Variants in ARB2A observed in about 807,000 individuals in gnomAD.
ARB2A encodes ARB2 cotranscriptional regulator A.
chr5:93,973,268 CA>C, the ARB2A span, among the ~76,000 whole-genome samples: 7 of 151,748 alleles, frequency 4.6e-5, no homozygotes, highest in Non-Finnish European at 1.0e-4. Context: ...CCAGGAATTT[CA>C]AACTACAATT....
the ARB2A span, among the ~76,000 whole-genome samples, chr5:93,996,764 T>A: frequency 6.6e-6 from 1 of 152,070 alleles, no homozygotes; most frequent in Non-Finnish European, 1.5e-5. Flanking sequence ...TGTTGTTATA[T>A]TCTAGGAAAT....
chr5:93,943,040 T>A, the ARB2A span, among the ~76,000 whole-genome samples: 37 of 152,240 alleles, frequency 2.4e-4, no homozygotes, highest in African/African-American at 8.9e-4. Flanking sequence ...CTGGTGGATG[T>A]TTAGTTGGTT....
the ARB2A span, among the ~76,000 whole-genome samples, chr5:93,697,933 A>G: frequency 1.3e-5 from 2 of 152,148 alleles, no homozygotes; most frequent in Admixed American, 1.3e-4. Flanking sequence ...CCCTTTTATA[A>G]AATGCCTCTA....
At chr5:94,040,992 T>C in the ARB2A span, among the ~76,000 whole-genome samples, 1 of 152,070 alleles carries the variant, frequency 6.6e-6, no homozygotes, top group Non-Finnish European at 1.5e-5. Flanking sequence ...GCCAGCCAGG[T>C]TACTAGGGCC....
chr5:93,808,175 G>A, the ARB2A span, among the ~76,000 whole-genome samples: 9 of 151,866 alleles, frequency 5.9e-5, no homozygotes, highest in Non-Finnish European at 7.4e-5. Context: ...CATACTGCCC[G>A]CGAATTCTTA....
At chr5:94,018,481 A>G in the ARB2A span, among the ~76,000 whole-genome samples, 8 of 151,880 alleles carry the variant, frequency 5.3e-5, no homozygotes, top group Non-Finnish European at 1.0e-4. Context: ...ATACTGTGTT[A>G]TTATACTACC....
chr5:93,979,787 T>C, the ARB2A span, among the ~76,000 whole-genome samples: 3 of 152,084 alleles, frequency 2.0e-5, no homozygotes, highest in Non-Finnish European at 4.4e-5. Flanking sequence ...TCCTATATTT[T>C]AATAGGTTAA....
the ARB2A span, among the ~76,000 whole-genome samples, chr5:93,939,941 T>G: frequency 6.6e-6 from 1 of 151,926 alleles, no homozygotes; most frequent in Admixed American, 6.6e-5. Flanking sequence ...GTGAATGGCC[T>G]TGAAACTGTA....
the ARB2A span, among the ~76,000 whole-genome samples, chr5:93,965,131 G>A: frequency 6.6e-6 from 1 of 152,004 alleles, no homozygotes; most frequent in African/African-American, 2.4e-5. Flanking sequence ...ACCTTGAAAT[G>A]GCGAGATTTT....
chr5:93,688,768 C>T, the ARB2A span, among the ~76,000 whole-genome samples: 2 of 152,078 alleles, frequency 1.3e-5, no homozygotes, highest in Non-Finnish European at 2.9e-5. Flanking sequence ...TTGCCCAAAC[C>T]AAAAGCCTGG....
the ARB2A span, among the ~76,000 whole-genome samples, chr5:93,935,026 G>A: frequency 6.6e-5 from 10 of 152,228 alleles, no homozygotes; most frequent in African/African-American, 2.4e-4. Context: ...AGCTAAGCTA[G>A]GAGGACGCAA....
At chr5:93,773,377 A>C in the ARB2A span, among the ~76,000 whole-genome samples, 4 of 152,244 alleles carry the variant, frequency 2.6e-5, no homozygotes, top group African/African-American at 9.6e-5. Context: ...TTGCTACTAC[A>C]CAATGGGTAA....
the ARB2A span, among the ~76,000 whole-genome samples, chr5:94,069,047 T>TAGATAGATAGAC: frequency 5.3e-4 from 78 of 147,276 alleles, no homozygotes; most frequent in African/African-American, 1.8e-3. Flanking sequence ...AAAAGATAGA[T>TAGATAGATAGAC]AGATAGATAG....
the ARB2A span, among the ~76,000 whole-genome samples, chr5:94,073,519 C>T: frequency 3.3e-5 from 5 of 152,170 alleles, no homozygotes; most frequent in East Asian, 7.7e-4. Context: ...CACTGTACTA[C>T]CTCTAAAATC....
the ARB2A span, among the ~76,000 whole-genome samples, chr5:93,715,566 A>G: frequency 5.9e-5 from 9 of 152,034 alleles, no homozygotes; most frequent in African/African-American, 1.7e-4. Context: ...TGTGTAATCA[A>G]ATTAGACAAG....
chr5:93,904,002 A>G, the ARB2A span, among the ~76,000 whole-genome samples: 1 of 151,934 alleles, frequency 6.6e-6, no homozygotes, highest in Admixed American at 6.6e-5. Flanking sequence ...TCTAAAACGA[A>G]TTATCAGAAG....
At chr5:93,864,745 A>G in the ARB2A span, among the ~76,000 whole-genome samples, 1 of 152,326 alleles carries the variant, frequency 6.6e-6, no homozygotes, top group South Asian at 2.1e-4. Flanking sequence ...TACTAATGAT[A>G]TATCACTAGT....
the ARB2A span, among the ~76,000 whole-genome samples, chr5:93,895,441 T>C: frequency 0.014 from 2,104 of 152,284 alleles, 23 homozygotes; most frequent in Non-Finnish European, 0.023. Context: ...GTTAACTACT[T>C]AGATATTTTA....
chr5:93,652,545 T>C, the ARB2A span, among the ~76,000 whole-genome samples: 5 of 152,230 alleles, frequency 3.3e-5, no homozygotes, highest in African/African-American at 9.6e-5. Context: ...CATTACTGTA[T>C]ATTTCCAACA....
Sources: allele counts gnomAD v4.1 joint callset (sites outside exome capture counted in the v4.1 genomes callset), GRCh38; gene constraint gnomAD v4.1.1; transcripts MANE v1.5; gene names NCBI Gene and HGNC (gene_info 2026-07-23, HGNC 2026-07-21).